The following WWC2 variants were observed in gnomAD, a reference collection of about 807,000 sequenced individuals.
WWC2 encodes protein WWC2.
Under a neutral mutation model 138.5 loss-of-function variants are expected in WWC2, and 101 were observed. That is an observed-to-expected ratio of 0.73 (90% CI 0.62 to 0.86). WWC2 has a LOEUF of 0.86. Among genes scored for constraint, WWC2 ranks in the 40% least tolerant of loss-of-function variants. The pLI is 0.00. For synonymous variants in WWC2, 558 were observed against 538.4 expected, an observed-to-expected ratio of 1.04 and a Z score of -0.50; for missense variants, 1,420 against 1,419.4, an observed-to-expected ratio of 1.00 and a Z score of -0.01.
chr4:183,221,488 G>C (rs552703409), intron 4 of WWC2, among the ~76,000 whole-genome samples: 2 of 152,260 alleles, frequency 1.3e-5, no homozygotes, highest in African/African-American at 2.4e-5. Context: ...CATCACAAAA[G>C]TAATCCTTAC....
intron 2 of WWC2, among the ~76,000 whole-genome samples, chr4:183,196,406 C>T (rs1255903774): frequency 6.6e-6 from 1 of 152,184 alleles, no homozygotes; most frequent in African/African-American, 2.4e-5. Context: ...ACCTGCCCAG[C>T]TTTCTTTTGC....
At chr4:183,138,223 G>A (rs1001483946) in intron 1 of WWC2, among the ~76,000 whole-genome samples, 4 of 152,094 alleles carry the variant, frequency 2.6e-5, no homozygotes, top group African/African-American at 4.8e-5. Flanking sequence ...CTGGAGTTTC[G>A]GACAGGCTCT....
chr4:183,131,628 A>C (rs7670630), intron 1 of WWC2, among the ~76,000 whole-genome samples: 3,720 of 152,210 alleles, frequency 0.024, 74 homozygotes, highest in Non-Finnish European at 0.037. Context: ...TCTTCTACTT[A>C]ATTGCTTGTT....
intron 14 of WWC2, 26 bp from the exon 15 acceptor site, chr4:183,268,945 A>G: frequency 6.3e-7 from 1 of 1,587,196 alleles, no homozygotes; most frequent in Non-Finnish European, 8.6e-7. Context: ...TACCTATGAA[A>G]TCCATTTTAT....
chr4:183,111,551 A>G (rs1167193412), intron 1 of WWC2, among the ~76,000 whole-genome samples: 1 of 152,108 alleles, frequency 6.6e-6, no homozygotes, highest in East Asian at 1.9e-4. Flanking sequence ...TGTACATAGT[A>G]TCACTGGGTT....
chr4:183,284,971 A>G (rs2111065476), intron 19 of WWC2, among the ~76,000 whole-genome samples: 2 of 152,308 alleles, frequency 1.3e-5, no homozygotes, highest in East Asian at 3.9e-4. Flanking sequence ...AATACTTTTT[A>G]AATTCTAAAT....
chr4:183,184,313 T>C (rs1032392401), intron 1 of WWC2, among the ~76,000 whole-genome samples: 1 of 152,222 alleles, frequency 6.6e-6, no homozygotes, highest in Non-Finnish European at 1.5e-5. Flanking sequence ...AAGTACTTCA[T>C]TCTTTTTTAT....
intron 16 of WWC2, among the ~76,000 whole-genome samples, chr4:183,275,347 G>A (rs1737820937): frequency 6.6e-6 from 1 of 151,960 alleles, no homozygotes; most frequent in Admixed American, 6.6e-5. Context: ...AGACAATATT[G>A]AAAGAAATTG....
intron 4 of WWC2, among the ~76,000 whole-genome samples, chr4:183,217,617 T>TA (rs1224104925): frequency 6.6e-6 from 1 of 151,856 alleles, no homozygotes; most frequent in African/African-American, 2.4e-5. Flanking sequence ...TTCTACAGAT[T>TA]AAAAATACAA....
intron 1 of WWC2, among the ~76,000 whole-genome samples, chr4:183,182,862 C>G (rs1054586039): frequency 1.3e-5 from 2 of 152,192 alleles, no homozygotes; most frequent in African/African-American, 4.8e-5. Flanking sequence ...TATACTATTA[C>G]TTCTGTATAA....
At chr4:183,133,370 G>A (rs1304226877) in intron 1 of WWC2, among the ~76,000 whole-genome samples, 1 of 151,902 alleles carries the variant, frequency 6.6e-6, no homozygotes, top group Non-Finnish European at 1.5e-5. Context: ...CATAGATTAA[G>A]ATGTATTCTG....
At chr4:183,106,714 A>G (rs919195635) in intron 1 of WWC2, among the ~76,000 whole-genome samples, 1 of 152,008 alleles carries the variant, frequency 6.6e-6, no homozygotes, top group African/African-American at 2.4e-5. Context: ...TTTTTTTCTT[A>G]GTGTAATGCA....
rs1348211945 is a variant in WWC2 at position 183,318,101 on chromosome 4, A to G, written c.*2372A>G. 1 of 152,222 alleles carries G rather than the reference A, an allele frequency of 6.6e-6. No individual in the cohort carries two copies. Among genetic ancestry groups the G allele is most frequent in the African/African-American group, 2.4e-5 (1 of 41,454 alleles). The allele number at this position is 152,222 out of a possible 1,614,324, so 9.4% of individuals were successfully genotyped here. ...TATGAATTTTAATATTATAAATACT[A>G]TTTTTAAAAGGTAGAATTTATTCGC... On this transcript the variant is annotated 3_prime_UTR_variant, in exon 23 of 23. Transcript: ENST00000403733.
chr4:183,103,374 C>T (rs561106611), intron 1 of WWC2, among the ~76,000 whole-genome samples: 1 of 142,762 alleles, frequency 7.0e-6, no homozygotes, highest in East Asian at 2.0e-4. Context: ...CGTTCTGTTG[C>T]CCAAGTTGGA....
chr4:183,157,621 C>A (rs1161106848), intron 1 of WWC2, among the ~76,000 whole-genome samples: 1 of 152,150 alleles, frequency 6.6e-6, no homozygotes, highest in Non-Finnish European at 1.5e-5. Flanking sequence ...TTGCCTCAGC[C>A]TCCCAAGTAG....
chr4:183,205,425 T>G (rs1207323918), intron 2 of WWC2, among the ~76,000 whole-genome samples: 1 of 152,220 alleles, frequency 6.6e-6, no homozygotes, highest in Non-Finnish European at 1.5e-5. Context: ...TTATCTAGAT[T>G]ATGCTTATTC....
At chr4:183,165,152 G>A (rs1005919454) in intron 1 of WWC2, among the ~76,000 whole-genome samples, 1 of 152,116 alleles carries the variant, frequency 6.6e-6, no homozygotes, top group African/African-American at 2.4e-5. Context: ...GGGCAAAGTT[G>A]GTTTGAGGGT....
chr4:183,137,399 T>C (rs1733154541), intron 1 of WWC2, among the ~76,000 whole-genome samples: 1 of 152,070 alleles, frequency 6.6e-6, no homozygotes, highest in South Asian at 2.1e-4. Context: ...CTTTTTAAAC[T>C]TTTTTTGTTA....
chr4:183,206,360 T>G (rs1735446890), intron 2 of WWC2, among the ~76,000 whole-genome samples: 1 of 152,148 alleles, frequency 6.6e-6, no homozygotes. Flanking sequence ...CTTCTTTTTG[T>G]CCCAAATTAT....
Sources: gnomAD v4.1 joint callset for allele counts (sites outside exome capture counted in the v4.1 genomes callset) on GRCh38, gnomAD v4.1.1 for gene constraint, MANE v1.5 for transcripts, NCBI Gene and HGNC (gene_info 2026-07-23, HGNC 2026-07-21) for gene names.